GYG2: variants seen among roughly 807,000 people sequenced by gnomAD.
GYG2 encodes glycogenin 2, also known as glycogenin-2.
Under a neutral mutation model 29.4 loss-of-function variants are expected in GYG2, and 29 were observed. The ratio of observed to expected loss-of-function variants is 0.99; its 90% CI spans 0.74 to 1.35. The LOEUF is 1.35. Ranked by LOEUF, GYG2 falls within the 40% of genes most tolerant of loss-of-function variation. The probability of loss-of-function intolerance (pLI) is 0.00; values close to 1 mark genes in which losing one functional copy is unlikely to be tolerated. For synonymous variants in GYG2, 167 were observed against 172.3 expected, an observed-to-expected ratio of 0.97 and a Z score of 0.24; for missense variants, 370 against 385.7, an observed-to-expected ratio of 0.96 and a Z score of 0.34.
At chrX:2,870,661 T>C (rs1280521305) in intron 8 of GYG2, among the ~76,000 whole-genome samples, 1 of 112,462 alleles carries the variant, frequency 8.9e-6, no homozygotes, top group Non-Finnish European at 1.9e-5. Context: ...AAACCCACAT[T>C]CTAGCTTCAG....
chrX:2,861,627 C>T lies in GYG2; in HGVS notation c.943C>T (p.Pro315Ser), dbSNP rs751069928. The change falls in exon 8 of 11, where the codon CCA becomes TCA. Residue 315 changes from proline (P) to serine (S), a missense_variant. Coordinates refer to ENST00000398806, the MANE Select transcript of GYG2 (RefSeq NM_001079855.2). ...PSAGVPCANS[P>S]LGSNQPAQGL... Reference sequence around the variant, plus strand: ...TGCGGGCGTGCCGTGTGCAAATTCACCACTGGGTTCTAACCAGCCTGCTCA... The same window carrying T: ...TGCGGGCGTGCCGTGTGCAAATTCATCACTGGGTTCTAACCAGCCTGCTCA... The T allele has an allele frequency of 1.7e-6, 2 of 1,206,559 alleles. No homozygotes were observed. Among genetic ancestry groups the T allele is most frequent in the Non-Finnish European group, 1.1e-6 (1 of 891,728 alleles).
chrX:2,834,867 T>C (rs1303665934), intron 2 of GYG2, among the ~76,000 whole-genome samples: 2 of 112,110 alleles, frequency 1.8e-5, no homozygotes, highest in Non-Finnish European at 3.8e-5. Context: ...GAATGGGACC[T>C]GTGAACCCAA....
At chrX:2,875,703 A>G (rs1474968878) in intron 8 of GYG2, 107 bp from the exon 9 acceptor site, 11 of 529,147 alleles carry the variant, frequency 2.1e-5, no homozygotes, top group Non-Finnish European at 1.9e-5. Context: ...ATCAAGTTGT[A>G]TTTGCACCAT....
intron 2 of GYG2, among the ~76,000 whole-genome samples, chrX:2,832,490 G>A (rs1288593816): frequency 8.9e-6 from 1 of 111,807 alleles, no homozygotes; most frequent in Non-Finnish European, 1.9e-5. Context: ...TCTCTCCTGG[G>A]CTTGGTCCTC....
intron 2 of GYG2, among the ~76,000 whole-genome samples, chrX:2,840,972 G>A (rs1364560946): frequency 3.9e-5 from 4 of 103,722 alleles, no homozygotes; most frequent in Non-Finnish European, 6.0e-5. Flanking sequence ...TGGATGGATA[G>A]ATAGATATAT....
chrX:2,875,934 C>A lies in GYG2; in HGVS notation c.1143+20C>A, dbSNP rs2088583142. On this transcript the variant is annotated intron_variant, in intron 9 of 10. Transcript: ENST00000398806. ...ATCTTGGTATTCCTCATCTATATGACCTACACATGGCCAGCTCTCTTATTG... is the reference window on the plus strand; with the variant it reads ...ATCTTGGTATTCCTCATCTATATGAACTACACATGGCCAGCTCTCTTATTG... The A allele has an allele frequency of 1.1e-6, 1 of 878,713 alleles. No individual in the cohort carries two copies. Among genetic ancestry groups the A allele is most frequent in the Non-Finnish European group, 1.7e-6 (1 of 596,211 alleles). 72.4% of individuals were successfully genotyped at this position (878,713 alleles called of 1,213,427 possible). A position where few individuals can be genotyped will look rare whatever the true frequency, so the allele number is the denominator to read the frequency against.
At position 2,882,450 on chromosome X, in the gene GYG2, G is replaced by C. The variant is rs1158872815; in HGVS notation, c.*1237G>C. ...TTTTTAGGTCACCTGAAGCAGTTTA[G>C]CCTTTGGATAGAGGAACCTGCCTGA... On this transcript the variant is annotated 3_prime_UTR_variant, in exon 11 of 11. Transcript: ENST00000398806. 1 of 111,346 alleles carries C rather than the reference G, an allele frequency of 9.0e-6. No individual in the cohort carries two copies. The highest frequency in any genetic ancestry group is 1.9e-5 in the Non-Finnish European group (1 of 53,108). 9.2% of individuals were successfully genotyped at this position (111,346 alleles called of 1,213,427 possible). A position where few individuals can be genotyped will look rare whatever the true frequency, so the allele number is the denominator to read the frequency against.
chrX:2,870,196 TTTTA>T (rs2088429759), intron 8 of GYG2, among the ~76,000 whole-genome samples: 1 of 109,092 alleles, frequency 9.2e-6, no homozygotes, highest in South Asian at 4.0e-4. Flanking sequence ...TGTCTTACTT[TTTTA>T]TTTATTTATT....
chrX:2,853,725 C>T (rs777481273), intron 3 of GYG2: 14 of 310,315 alleles, frequency 4.5e-5, no homozygotes, highest in South Asian at 1.0e-4. Context: ...TTAATTCTAC[C>T]GGTACAGTGG....
At chrX:2,833,636 A>G (rs2087313891) in intron 2 of GYG2, among the ~76,000 whole-genome samples, 1 of 111,711 alleles carries the variant, frequency 9.0e-6, no homozygotes, top group Non-Finnish European at 1.9e-5. Flanking sequence ...CCTGATGAAG[A>G]GATAAAAAGC....
At chrX:2,860,104 G>A in intron 7 of GYG2, 39 bp downstream of exon 7, 5 of 885,735 alleles carry the variant, frequency 5.6e-6, no homozygotes, top group Non-Finnish European at 6.4e-6. Context: ...AGCTGAGGAC[G>A]AGGAGAACAT....
intron 2 of GYG2, among the ~76,000 whole-genome samples, chrX:2,839,100 G>A (rs190383641): frequency 8.3e-4 from 93 of 112,356 alleles, no homozygotes; most frequent in African/African-American, 2.6e-3. Context: ...TTGCCGACTC[G>A]TCTGAATTTG....
intron 8 of GYG2, among the ~76,000 whole-genome samples, chrX:2,873,614 A>G (rs1203674835): frequency 1.8e-5 from 2 of 111,295 alleles, no homozygotes; most frequent in Non-Finnish European, 3.8e-5. Flanking sequence ...GCAAATTTTA[A>G]GTACACAATC....
At chrX:2,861,835 T>C (rs776728070) in intron 8 of GYG2, 113 bp downstream of exon 8, 2 of 568,850 alleles carry the variant, frequency 3.5e-6, no homozygotes, top group South Asian at 5.3e-5. Flanking sequence ...GGGGAAGGGC[T>C]GGTCTTTGGC....
intron 3 of GYG2, among the ~76,000 whole-genome samples, chrX:2,845,998 T>A (rs1460911469): frequency 1.1e-5 from 1 of 88,654 alleles, no homozygotes; most frequent in Non-Finnish European, 2.2e-5. Flanking sequence ...CATATATGTA[T>A]ATATATACAT....
intron 2 of GYG2, among the ~76,000 whole-genome samples, chrX:2,837,785 T>C (rs1345916038): frequency 2.7e-5 from 3 of 110,442 alleles, no homozygotes; most frequent in African/African-American, 9.9e-5. Context: ...TTTCATAATA[T>C]ATATGATTTG....
Position 2,830,114 on chromosome X carries a change from T to C in GYG2, c.-75T>C, listed in dbSNP as rs2087229476. 4.6e-6 allele frequency: 5 copies of C among 1,077,062 alleles called. No individual in the cohort carries two copies. Among genetic ancestry groups the C allele is most frequent in the Admixed American group, 2.2e-5 (1 of 45,036 alleles). The allele number at this position is 1,077,062 out of a possible 1,213,427, so 88.8% of individuals were successfully genotyped here. On this transcript the variant is annotated 5_prime_UTR_variant, in exon 2 of 11. Coordinates refer to ENST00000398806, the MANE Select transcript of GYG2 (RefSeq NM_001079855.2). ...ACGGCGCCTCTGCTCTGCGGGTTCG[T>C]GGCGAGGAAGTCCACCCACTGCTCC...
At chrX:2,864,710 T>G (rs1386702160) in intron 8 of GYG2, among the ~76,000 whole-genome samples, 1 of 111,258 alleles carries the variant, frequency 9.0e-6, no homozygotes, top group Non-Finnish European at 1.9e-5. Context: ...ATAAGGATCA[T>G]TTTAAAGGAT....
chrX:2,856,490 T>C lies in GYG2; in HGVS notation c.488-8T>C. On this transcript the variant is annotated splice_polypyrimidine_tract_variant and splice_region_variant and intron_variant, in intron 5 of 10. Coordinates refer to ENST00000398806, the MANE Select transcript of GYG2 (RefSeq NM_001079855.2). ...GCTAACCTGCTTTTGTGTTTGCTCA[T>C]TATGTAGGGGCAGACCAAGGCTTAC... 1.7e-6 allele frequency: 2 copies of C among 1,208,474 alleles called. No homozygotes were observed. Among genetic ancestry groups the C allele is most frequent in the Non-Finnish European group, 2.2e-6 (2 of 893,824 alleles).
Sources: gnomAD v4.1 joint callset for allele counts (sites outside exome capture counted in the v4.1 genomes callset) on GRCh38, gnomAD v4.1.1 for gene constraint, MANE v1.5 for transcripts, NCBI Gene and HGNC (gene_info 2026-07-23, HGNC 2026-07-21) for gene names.